Variants in RYR3 observed in about 807,000 individuals in gnomAD.
The protein encoded by RYR3 is ryanodine receptor 3, also known as brain ryanodine receptor-calcium release channel.
In RYR3, 207 loss-of-function variants were observed where a neutral mutation model predicts 584.3. The observed-to-expected ratio is 0.35, with a 90% CI of 0.32 to 0.40. RYR3 has a LOEUF of 0.40. Among genes scored for constraint, RYR3 ranks in the 10% least tolerant of loss-of-function variants. The pLI is 1.00. For missense variants in RYR3, 5,616 were observed against 6,089.2 expected (o/e 0.92, Z 2.59); for synonymous variants, 2,416 against 2,248.5 (o/e 1.07, Z -2.11).
At chr15:33,375,609 A>G (rs561080018) in intron 1 of RYR3, among the ~76,000 whole-genome samples, 15 of 152,330 alleles carry the variant, frequency 9.8e-5, no homozygotes, top group African/African-American at 3.6e-4. Context: ...AGAGATCTCT[A>G]TCCACATGTA....
At position 33,365,235 on chromosome 15, in the gene RYR3, T is replaced by C. The variant is rs1289543443; in HGVS notation, c.51+54139T>C. 2.6e-5 allele frequency among the ~76,000 whole-genome samples: 4 copies of C among 152,130 alleles called. No homozygotes were observed. In the South Asian group the frequency reaches 6.2e-4, roughly 24 times the overall value. ...CACAGTGTTTATCCATGTCCTGAGA[T>C]TGGGAGGATAAACATTTATTAATTA... On this transcript the variant is annotated intron_variant, in intron 1 of 103. Transcript: ENST00000634891.
chr15:33,663,718 G>A lies in RYR3; in HGVS notation c.5600G>A (p.Arg1867His), dbSNP rs759927306. ...ACTGCCCGGAAGACCAAGGAGTTCC[G>A]CTCACCCCCACAGGAGCAGGTGAGG... ...ALTARKTKEF[R>H]SPPQEQINML... The change falls in exon 36 of 104, where the codon CGC becomes CAC. Residue 1867 changes from arginine (R) to histidine (H), a missense_variant. Around this residue, in one of 9 missense-constraint regions of RYR3, gnomAD observed 1,280 missense variants for 1,426.2 expected, o/e 0.90. Transcript: ENST00000634891. The A allele has an allele frequency of 3.1e-6, 5 of 1,607,840 alleles. No homozygotes were observed. The highest frequency in any genetic ancestry group is 2.2e-5 in the South Asian group (2 of 89,690).
In RYR3 at chr15:33,813,515, T is replaced by C. The variant is rs945168864; in HGVS notation, c.10438T>C (p.Ser3480Pro). ...SKKAVWHKLLSKQRKRAVVAC... is the reference protein window; with the variant it reads ...SKKAVWHKLLPKQRKRAVVAC... ...GAAGGCCGTCTGGCACAAACTGTTATCAAAGCAACGGAAACGGGCAGTGGT... is the reference window on the plus strand; with the variant it reads ...GAAGGCCGTCTGGCACAAACTGTTACCAAAGCAACGGAAACGGGCAGTGGT... The change falls in exon 74 of 104, where the codon TCA (serine) becomes CCA (proline). Residue 3480 changes from serine (S) to proline (P), a missense_variant. Ser to Pro is a moderately conservative substitution (Grantham distance 74). Around this residue, in one of 9 missense-constraint regions of RYR3, gnomAD observed 954 missense variants for 1,132.2 expected, o/e 0.84. Coordinates refer to ENST00000634891, the MANE Select transcript of RYR3 (RefSeq NM_001036.6). The C allele has an allele frequency of 1.9e-6, 3 of 1,613,966 alleles. No homozygotes were observed. The highest frequency in any genetic ancestry group is 2.5e-6 in the Non-Finnish European group (3 of 1,179,888).
In RYR3 at chr15:33,838,149, G is replaced by A; in HGVS notation, c.12169G>A (p.Glu4057Lys). 2 of 1,614,004 alleles carry A rather than the reference G, an allele frequency of 1.2e-6. No homozygotes were observed. Among genetic ancestry groups the A allele is most frequent in the East Asian group, 2.2e-5 (1 of 44,884 alleles). Residue 4057 changes from glutamate (E) to lysine (K), a missense_variant, in exon 89 of 104, where the codon GAG becomes AAG. By Grantham distance (56) the Glu-to-Lys change is moderately conservative. This residue lies in a region of RYR3 where 258 missense variants were observed against 297.3 expected (regional missense o/e 0.87). Transcript: ENST00000634891. Reference sequence around the variant, plus strand: ...CAGTGAATCCAGTCGCACTCAGTGGGAGAAGCCCCAGGTGAAGGAATCTAA... The same window carrying A: ...CAGTGAATCCAGTCGCACTCAGTGGAAGAAGCCCCAGGTGAAGGAATCTAA... ...EISESSRTQW[E>K]KPQVKESKRQ...
At chr15:33,392,140 ATCT>A (rs564580050) in intron 1 of RYR3, among the ~76,000 whole-genome samples, 191 of 151,338 alleles carry the variant, frequency 1.3e-3, no homozygotes, top group African/African-American at 4.5e-3. Context: ...GTTAGTGTCC[ATCT>A]TCTTAATTGT....
chr15:33,664,006 T>G (rs1324320800), intron 36 of RYR3, among the ~76,000 whole-genome samples: 2 of 152,116 alleles, frequency 1.3e-5, no homozygotes, highest in Non-Finnish European at 2.9e-5. Context: ...CCATTACTGA[T>G]TCAAAGACCA....
chr15:33,578,492 C>G (rs2058414192), intron 12 of RYR3, among the ~76,000 whole-genome samples: 1 of 151,980 alleles, frequency 6.6e-6, no homozygotes, highest in African/African-American at 2.4e-5. Flanking sequence ...TTATCCTCAG[C>G]AAACTAATTC....
chr15:33,327,625 A>G (rs577613242), intron 1 of RYR3, among the ~76,000 whole-genome samples: 75 of 152,208 alleles, frequency 4.9e-4, no homozygotes, highest in African/African-American at 1.8e-3. Flanking sequence ...TATTGTGCAA[A>G]TTTTACTTCA....
At position 33,585,913 on chromosome 15, in the gene RYR3, G is replaced by T. The variant is rs1026921630; in HGVS notation, c.1670-85G>T. 3.9e-6 allele frequency: 3 copies of T among 763,818 alleles called. No homozygotes were observed. The Admixed American group carries it at 5.7e-5, about 14-fold the overall frequency. 47.3% of individuals were successfully genotyped at this position (763,818 alleles called of 1,614,324 possible). On this transcript the variant is annotated intron_variant, in intron 15 of 103. Coordinates refer to ENST00000634891, the MANE Select transcript of RYR3 (RefSeq NM_001036.6). The stretch of plus-strand genomic sequence containing the variant: ...GACGATATCCTGTCCCCTCAGGAAG[G>T]ACTGTTCATACTCAGGTTTCTAAAT...
At chr15:33,331,807 A>G (rs1200391220) in intron 1 of RYR3, among the ~76,000 whole-genome samples, 1 of 152,060 alleles carries the variant, frequency 6.6e-6, no homozygotes, top group African/African-American at 2.4e-5. Context: ...AAATATGTCT[A>G]CTGGAAACAG....
At chr15:33,519,772 G>T (rs987510850) in intron 3 of RYR3, among the ~76,000 whole-genome samples, 3 of 152,076 alleles carry the variant, frequency 2.0e-5, no homozygotes, top group Admixed American at 6.6e-5. Context: ...CCCCTGGTCC[G>T]TGGACAGGTG....
intron 1 of RYR3, among the ~76,000 whole-genome samples, chr15:33,397,889 T>C (rs2596186): frequency 0.26 from 39,997 of 152,012 alleles, 6,101 homozygotes; most frequent in African/African-American, 0.42. Flanking sequence ...TAATGAGGCC[T>C]ATTTGATCTC....
chr15:33,364,581 GGCAGATGCATTCAATTAAAAAGCA>G (rs1191702074), intron 1 of RYR3, among the ~76,000 whole-genome samples: 3 of 152,170 alleles, frequency 2.0e-5, no homozygotes, highest in African/African-American at 7.2e-5. Flanking sequence ...GGCCTGTAGA[GGCAGATGCATTCAATTAAAAAGCA>G]GCGTACCAGA....
chr15:33,459,910 T>C (rs1448066613), intron 1 of RYR3, among the ~76,000 whole-genome samples: 1 of 152,104 alleles, frequency 6.6e-6, no homozygotes, highest in Admixed American at 6.5e-5. Context: ...AAAAAAGCAA[T>C]ATGATGAGGA....
At chr15:33,771,811 G>C (rs2073598377) in intron 62 of RYR3, 109 bp from the exon 63 acceptor site, 1 of 711,068 alleles carries the variant, frequency 1.4e-6, no homozygotes, top group South Asian at 1.7e-5. Flanking sequence ...CAGTGTCATT[G>C]AGTGACAGGA....
chr15:33,789,528 C>T (rs1054377081), intron 67 of RYR3, among the ~76,000 whole-genome samples: 6 of 144,284 alleles, frequency 4.2e-5, no homozygotes, highest in African/African-American at 1.5e-4. Flanking sequence ...ATGAAAACAT[C>T]GTGGAACTGG....
intron 3 of RYR3, among the ~76,000 whole-genome samples, chr15:33,516,271 C>A (rs928379764): frequency 5.3e-5 from 8 of 152,010 alleles, no homozygotes; most frequent in Non-Finnish European, 8.8e-5. Context: ...CATGCCCCCC[C>A]CGAAATGATC....
chr15:33,578,622 G>A (rs2058423997), intron 12 of RYR3, among the ~76,000 whole-genome samples: 1 of 152,098 alleles, frequency 6.6e-6, no homozygotes, highest in African/African-American at 2.4e-5. Flanking sequence ...TGGGGGGTAG[G>A]AGGAGGCAGA....
Position 33,819,818 on chromosome 15 carries a change from G to A in RYR3, c.10758+11G>A, listed in dbSNP as rs768311339. 18 of 1,583,880 alleles carry A rather than the reference G, an allele frequency of 1.1e-5. No individual in the cohort carries two copies. Among genetic ancestry groups the A allele is most frequent in the African/African-American group, 2.7e-5 (2 of 74,284 alleles). On this transcript the variant is annotated intron_variant, in intron 77 of 103. Coordinates refer to ENST00000634891, the MANE Select transcript of RYR3 (RefSeq NM_001036.6). ...AGCATGATGGCCAAGGTACACCCAG[G>A]TTTTCTGCCCATTGTCTCTGTCTTT... is the stretch of plus-strand genomic sequence containing the variant.
Sources: allele counts gnomAD v4.1 joint callset (sites outside exome capture counted in the v4.1 genomes callset), GRCh38; gene constraint gnomAD v4.1.1; regional missense constraint gnomAD v4.1.1; transcripts MANE v1.5; gene names NCBI Gene and HGNC (gene_info 2026-07-23, HGNC 2026-07-21).